The following PRKG1 variants were observed in gnomAD, a reference collection of about 807,000 sequenced individuals.
PRKG1 encodes the protein protein kinase cGMP-dependent 1.
In PRKG1, 35 loss-of-function variants were observed where a neutral mutation model predicts 88.1. The observed-to-expected ratio is 0.40, with a 90% confidence interval of 0.30 to 0.53. The LOEUF (loss-of-function observed/expected upper bound fraction) is 0.53. Ranked by LOEUF, PRKG1 falls within the 20% of genes least tolerant of loss-of-function variation. The pLI, the probability that PRKG1 is intolerant of heterozygous loss-of-function variation, is 0.59. For synonymous variants in PRKG1, 303 were observed against 292.5 expected (o/e 1.04, Z -0.37); for missense variants, 540 against 839.8 (o/e 0.64, Z 4.41).
intron 2 of PRKG1, among the ~76,000 whole-genome samples, chr10:51,230,374 G>A (rs754866971): frequency 6.6e-6 from 1 of 152,136 alleles, no homozygotes; most frequent in Non-Finnish European, 1.5e-5. Context: ...TGTGTGCATA[G>A]GGGTAGAAGT....
In PRKG1 at chr10:51,942,098, A is replaced by T. The variant is rs374309963; in HGVS notation, c.762+34528A>T. 4.6e-5 allele frequency among the ~76,000 whole-genome samples: 7 copies of T among 151,348 alleles called. No individual in the cohort carries two copies. In the East Asian group the frequency reaches 9.7e-4, roughly 21 times the overall value. On this transcript the variant is annotated intron_variant, in intron 5 of 17. Coordinates refer to ENST00000373980, the MANE Select transcript of PRKG1 (RefSeq NM_006258.4). ...GTAAAAGTGTTCCTATTTCTCCACA[A>T]CCTCTCCAGCACCTGTTGTTTCCTG...
intron 1 of PRKG1, among the ~76,000 whole-genome samples, chr10:51,017,437 G>T (rs1447695483): frequency 6.6e-6 from 1 of 152,144 alleles, no homozygotes; most frequent in Non-Finnish European, 1.5e-5. Context: ...GAATGAGAAA[G>T]TTAAATAATT....
intron 7 of PRKG1, among the ~76,000 whole-genome samples, chr10:52,125,535 G>C (rs961490859): frequency 6.6e-6 from 1 of 152,082 alleles, no homozygotes; most frequent in African/African-American, 2.4e-5. Flanking sequence ...ACCTCCAGTG[G>C]ATACCAGAAA....
intron 7 of PRKG1, among the ~76,000 whole-genome samples, chr10:52,101,306 C>T (rs1170030429): frequency 1.3e-5 from 2 of 152,198 alleles, no homozygotes; most frequent in East Asian, 1.9e-4. Flanking sequence ...ACTTTACAGC[C>T]TAAAAATATT....
chr10:51,305,058 A>G, intron 2 of PRKG1, among the ~76,000 whole-genome samples: 1 of 152,140 alleles, frequency 6.6e-6, no homozygotes, highest in Non-Finnish European at 1.5e-5. Flanking sequence ...GTAACTTGTC[A>G]GTTGGACAGA....
upstream of PRKG1, among the ~76,000 whole-genome samples, chr10:51,071,484 T>C (rs1843825710): frequency 6.6e-6 from 1 of 152,234 alleles, no homozygotes; most frequent in African/African-American, 2.4e-5. Context: ...GTAAAAGTCA[T>C]GTCTTTTCAG....
At chr10:51,866,630 A>G (rs572156313) in intron 4 of PRKG1, among the ~76,000 whole-genome samples, 30 of 152,094 alleles carry the variant, frequency 2.0e-4, no homozygotes, top group Non-Finnish European at 1.8e-4. Flanking sequence ...TGATGTATTT[A>G]TTTCTGCCCA....
chr10:52,216,672 C>T (rs1840120859), intron 9 of PRKG1, among the ~76,000 whole-genome samples: 1 of 152,072 alleles, frequency 6.6e-6, no homozygotes, highest in African/African-American at 2.4e-5. Flanking sequence ...GATGCCATTT[C>T]TTGCATGGTC....
chr10:52,157,498 C>T (rs571100057), intron 8 of PRKG1, among the ~76,000 whole-genome samples: 14 of 150,790 alleles, frequency 9.3e-5, no homozygotes, highest in African/African-American at 2.9e-4. Flanking sequence ...ACTGATGAAC[C>T]GAATTATATT....
At chr10:51,369,676 A>T (rs1842661026) in intron 2 of PRKG1, among the ~76,000 whole-genome samples, 2 of 152,126 alleles carry the variant, frequency 1.3e-5, no homozygotes, top group South Asian at 4.1e-4. Context: ...TTTGCTTAGC[A>T]TCACACTATC....
In PRKG1 at chr10:51,930,185, T is replaced by C. The variant is rs552617007; in HGVS notation, c.762+22615T>C. 3.3e-5 allele frequency among the ~76,000 whole-genome samples: 5 copies of C among 152,296 alleles called. No individual in the cohort carries two copies. In the East Asian group the frequency reaches 9.6e-4, roughly 29 times the overall value. ...CACTTATGTGAGGCATTTAGAATAGTTAAAATTGTAGAGGCAAAAAGTAGA... is the reference window on the plus strand; with the variant it reads ...CACTTATGTGAGGCATTTAGAATAGCTAAAATTGTAGAGGCAAAAAGTAGA... On this transcript the variant is annotated intron_variant, in intron 5 of 17. Coordinates refer to ENST00000373980, the MANE Select transcript of PRKG1 (RefSeq NM_006258.4).
chr10:51,213,069 T>C (rs1838272764), intron 2 of PRKG1, among the ~76,000 whole-genome samples: 1 of 152,180 alleles, frequency 6.6e-6, no homozygotes, highest in Non-Finnish European at 1.5e-5. Flanking sequence ...CCAAGCCAAA[T>C]GTCCAACAGT....
At chr10:51,333,854 C>A (rs570707530) in intron 2 of PRKG1, among the ~76,000 whole-genome samples, 2 of 152,276 alleles carry the variant, frequency 1.3e-5, no homozygotes, top group African/African-American at 4.8e-5. Context: ...ACCTTAATCA[C>A]CTTATTCTTG....
intron 3 of PRKG1, among the ~76,000 whole-genome samples, chr10:51,731,001 T>A (rs905361733): frequency 6.6e-6 from 1 of 151,808 alleles, no homozygotes; most frequent in African/African-American, 2.4e-5. Flanking sequence ...ACTAAAAATA[T>A]AAAAATTAGC....
In PRKG1 at chr10:51,551,043, G is replaced by A. The variant is rs1489400985; in HGVS notation, c.592+83207G>A. Reference sequence around the variant, plus strand: ...AAATAGTACCATGATATACAACTGTGCATTTTAATAAGTGGCCCTTATAAC... The same window carrying A: ...AAATAGTACCATGATATACAACTGTACATTTTAATAAGTGGCCCTTATAAC... On this transcript the variant is annotated intron_variant, in intron 3 of 17. Transcript: ENST00000373980. 2.0e-5 allele frequency among the ~76,000 whole-genome samples: 3 copies of A among 151,846 alleles called. No homozygotes were observed. The South Asian group carries it at 6.2e-4, about 31-fold the overall frequency.
At chr10:51,688,982 G>A (rs1254938095) in intron 3 of PRKG1, among the ~76,000 whole-genome samples, 3 of 152,112 alleles carry the variant, frequency 2.0e-5, no homozygotes, top group African/African-American at 7.2e-5. Flanking sequence ...TAGTGAGTGG[G>A]TTTCATGAGA....
intron 3 of PRKG1, among the ~76,000 whole-genome samples, chr10:51,593,364 G>T (rs1174240161): frequency 6.6e-6 from 1 of 152,152 alleles, no homozygotes; most frequent in Non-Finnish European, 1.5e-5. Flanking sequence ...CTAACTGATT[G>T]TTGGTTATTA....
chr10:51,909,454 A>G (rs1008883389), intron 5 of PRKG1: 1 of 152,206 alleles, frequency 6.6e-6, no homozygotes, highest in Non-Finnish European at 1.5e-5. Flanking sequence ...TAAAACCAAA[A>G]AAAAAAGAGA....
At chr10:51,171,147 A>C (rs986128853) in intron 2 of PRKG1, among the ~76,000 whole-genome samples, 3 of 152,164 alleles carry the variant, frequency 2.0e-5, no homozygotes, top group Non-Finnish European at 4.4e-5. Context: ...TATGTGAGAC[A>C]CAGTGAGGAG....
Sources: gnomAD v4.1 joint callset for allele counts (sites outside exome capture counted in the v4.1 genomes callset) on GRCh38, gnomAD v4.1.1 for gene constraint, MANE v1.5 for transcripts, NCBI Gene and HGNC (gene_info 2026-07-23, HGNC 2026-07-21) for gene names.